IYD: variants seen among roughly 807,000 people sequenced by gnomAD.
The protein encoded by IYD is iodotyrosine deiodinase, also known as iodotyrosine deiodinase 1.
A neutral mutation model predicts 28.4 loss-of-function variants in IYD; 25 were observed. The observed-to-expected ratio is 0.88, with a 90% CI of 0.64 to 1.23. The LOEUF is 1.23. Among genes scored for constraint, IYD ranks in the 50% most tolerant of loss-of-function variants. The probability of loss-of-function intolerance (pLI) is 0.00; values close to 1 mark genes in which losing one functional copy is unlikely to be tolerated. For synonymous variants in IYD, 140 were observed against 130.8 expected (o/e 1.07, Z -0.48); for missense variants, 352 against 357.9 (o/e 0.98, Z 0.13).
At chr6:150,384,248 C>G (rs1185088856) in intron 1 of IYD, 2 of 152,104 alleles carry the variant, frequency 1.3e-5, no homozygotes, top group Non-Finnish European at 2.9e-5. Context: ...CATCAGGCTG[C>G]AAAATATTAG....
intron 1 of IYD, among the ~76,000 whole-genome samples, chr6:150,378,639 C>T (rs1180445441): frequency 2.0e-5 from 3 of 152,132 alleles, no homozygotes; most frequent in Admixed American, 6.5e-5. Context: ...AGTCAGGAAA[C>T]AACAGGTGCT....
At position 150,402,701 on chromosome 6, in the gene IYD, A is replaced by T. The variant is rs1301098219; in HGVS notation, c.*4464A>T. The T allele has an allele frequency of 1.3e-5, 2 of 152,180 alleles. No homozygotes were observed. The highest frequency in any genetic ancestry group is 2.9e-5 in the Non-Finnish European group (2 of 68,014). The allele number at this position is 152,180 out of a possible 1,614,324, so 9.4% of individuals were successfully genotyped here. On this transcript the variant is annotated 3_prime_UTR_variant, in exon 5 of 5. Coordinates refer to ENST00000344419, the MANE Select transcript of IYD (RefSeq NM_203395.3). Reference sequence around the variant, plus strand: ...TAAACATACATAAAGTGGAACTAAGATTGACTTCTTCCTAGACATCTCTGC... The same window carrying T: ...TAAACATACATAAAGTGGAACTAAGTTTGACTTCTTCCTAGACATCTCTGC...
At chr6:150,373,000 A>G (rs1004588949) in intron 1 of IYD, among the ~76,000 whole-genome samples, 5 of 152,226 alleles carry the variant, frequency 3.3e-5, no homozygotes, top group Non-Finnish European at 7.3e-5. Flanking sequence ...TCAGATTCAT[A>G]GAAGTCCATA....
At chr6:150,386,948 T>C (rs117597648) in intron 1 of IYD, among the ~76,000 whole-genome samples, 2 of 152,342 alleles carry the variant, frequency 1.3e-5, no homozygotes, top group Non-Finnish European at 2.9e-5. Context: ...TCAATGCAAC[T>C]ATTCTTGCCA....
intron 1 of IYD, among the ~76,000 whole-genome samples, chr6:150,372,159 T>G (rs1431793855): frequency 6.6e-6 from 1 of 152,200 alleles, no homozygotes; most frequent in East Asian, 1.9e-4. Context: ...TAGCATGAGT[T>G]AAGGAAAATA....
intron 4 of IYD, chr6:150,396,193 TG>T: frequency 3.2e-6 from 1 of 316,294 alleles, no homozygotes; most frequent in Non-Finnish European, 5.7e-6. Flanking sequence ...AACACTACTG[TG>T]GTTTGCTGCC....
intron 1 of IYD, among the ~76,000 whole-genome samples, chr6:150,377,110 A>G (rs1304363041): frequency 6.6e-6 from 1 of 152,208 alleles, no homozygotes; most frequent in African/African-American, 2.4e-5. Context: ...TATTGTTTGC[A>G]GACCCCCAGT....
At position 150,402,344 on chromosome 6, in the gene IYD, C is replaced by T. The variant is rs923694549; in HGVS notation, c.*4107C>T. The T allele has an allele frequency of 1.3e-5, 2 of 152,228 alleles. No individual in the cohort carries two copies. Among genetic ancestry groups the T allele is most frequent in the African/African-American group, 4.8e-5 (2 of 41,454 alleles). 9.4% of individuals were successfully genotyped at this position (152,228 alleles called of 1,614,324 possible). ...GGCCTAGGAGTGACCTCCTCAGTCTCACAACCCTTTGGCTAGAACTAGTCA... is the reference window on the plus strand; with the variant it reads ...GGCCTAGGAGTGACCTCCTCAGTCTTACAACCCTTTGGCTAGAACTAGTCA... On this transcript the variant is annotated 3_prime_UTR_variant, in exon 5 of 5. Coordinates refer to ENST00000344419, the MANE Select transcript of IYD (RefSeq NM_203395.3).
At chr6:150,384,442 C>G (rs1370318665) in intron 1 of IYD, 6 of 152,160 alleles carry the variant, frequency 3.9e-5, no homozygotes, top group Admixed American at 3.9e-4. Context: ...CTGAGGTTTA[C>G]TTTCTGTACT....
chr6:150,387,433 A>G (rs1472566427), intron 1 of IYD, among the ~76,000 whole-genome samples: 17 of 112,244 alleles, frequency 1.5e-4, no homozygotes, highest in African/African-American at 9.6e-4. Flanking sequence ...TTCTTGTAAA[A>G]AAAAAAAAAA....
chr6:150,395,121 C>G (rs534038196), intron 4 of IYD, among the ~76,000 whole-genome samples: 1 of 152,202 alleles, frequency 6.6e-6, no homozygotes, highest in African/African-American at 2.4e-5. Context: ...CATGCCTGGC[C>G]TCTGAGCTCC....
chr6:150,370,042 T>G (rs1242714126), intron 1 of IYD: 1 of 702,102 alleles, frequency 1.4e-6, no homozygotes, highest in African/African-American at 1.7e-5. Flanking sequence ...GGAGGAAGCT[T>G]GAGCCATCTG....
rs201165539 is a variant in IYD at position 150,395,312 on chromosome 6, AG to A, written c.687+1058del. ...TGAGAGACAATGGATTAAAAAAAAA[AG>A]AGAGCTTCTTCACTATCTCAAAGAA... On this transcript the variant is annotated intron_variant, in intron 4 of 4. Transcript: ENST00000344419. 1.7e-3 allele frequency: 1,526 copies of A among 906,462 alleles called. 4 individuals are homozygous for A. Among genetic ancestry groups the A allele is most frequent in the South Asian group, 0.014 (820 of 58,100 alleles). 56.2% of individuals were successfully genotyped at this position (906,462 alleles called of 1,614,324 possible).
chr6:150,382,425 A>T (rs1271651953), intron 1 of IYD, among the ~76,000 whole-genome samples: 1 of 152,118 alleles, frequency 6.6e-6, no homozygotes. Context: ...CTAAGTAGAG[A>T]CATGTAGGGT....
At chr6:150,375,011 C>T (rs886801052) in intron 1 of IYD, among the ~76,000 whole-genome samples, 1 of 152,136 alleles carries the variant, frequency 6.6e-6, no homozygotes, top group African/African-American at 2.4e-5. Flanking sequence ...AAAGCACTTC[C>T]CTATTCAAGG....
intron 1 of IYD, among the ~76,000 whole-genome samples, chr6:150,380,098 A>G (rs1490983955): frequency 6.6e-6 from 1 of 152,214 alleles, no homozygotes; most frequent in African/African-American, 2.4e-5. Context: ...TCACTAATAT[A>G]TATATCAAAG....
chr6:150,404,000 C>A lies in IYD; in HGVS notation c.*5763C>A, dbSNP rs941532201. The A allele has an allele frequency of 1.3e-5, 2 of 152,094 alleles. No homozygotes were observed. The highest frequency in any genetic ancestry group is 3.8e-4 in the East Asian group (2 of 5,200). 9.4% of individuals were successfully genotyped at this position (152,094 alleles called of 1,614,324 possible). ...GTAACTGGAATAAAGGTTCTAAAAT[C>A]AAAACCCTCTGAAGGGTGAAAACTG... is the stretch of plus-strand genomic sequence containing the variant. On this transcript the variant is annotated 3_prime_UTR_variant, in exon 5 of 5. Coordinates refer to ENST00000344419, the MANE Select transcript of IYD (RefSeq NM_203395.3).
chr6:150,373,527 C>T (rs1008350743), intron 1 of IYD, among the ~76,000 whole-genome samples: 7 of 152,178 alleles, frequency 4.6e-5, no homozygotes, highest in African/African-American at 1.4e-4. Context: ...ACTTCATGCT[C>T]CCCAACCAAG....
intron 4 of IYD, among the ~76,000 whole-genome samples, chr6:150,395,012 G>A (rs981485697): frequency 1.3e-5 from 2 of 152,092 alleles, no homozygotes; most frequent in African/African-American, 4.8e-5. Context: ...TTGTATAGAT[G>A]GAGTTTTGCC....
Sources: gnomAD v4.1 joint callset for allele counts (sites outside exome capture counted in the v4.1 genomes callset) on GRCh38, gnomAD v4.1.1 for gene constraint, MANE v1.5 for transcripts, NCBI Gene and HGNC (gene_info 2026-07-23, HGNC 2026-07-21) for gene names.